Variants in GRIN2A observed in about 807,000 individuals in gnomAD.
The protein encoded by GRIN2A is glutamate ionotropic receptor NMDA type subunit 2A, also known as glutamate receptor ionotropic, NMDA 2A.
In GRIN2A, 22 loss-of-function variants were observed where a neutral mutation model predicts 113.4. The ratio of observed to expected loss-of-function variants is 0.19; its 90% CI spans 0.14 to 0.28. GRIN2A has a LOEUF of 0.28. GRIN2A is among the 10% of genes least tolerant of loss of function. The pLI, the probability that GRIN2A is intolerant of heterozygous loss-of-function variation, is 1.00. For missense variants in GRIN2A, 1,502 were observed against 1,887.0 expected, an observed-to-expected ratio of 0.80 and a Z score of 3.78; for synonymous variants, 827 against 738.4, an observed-to-expected ratio of 1.12 and a Z score of -1.94.
intron 3 of GRIN2A, among the ~76,000 whole-genome samples, chr16:9,919,213 G>A (rs1254718876): frequency 6.6e-6 from 1 of 152,106 alleles, no homozygotes; most frequent in Non-Finnish European, 1.5e-5. Context: ...ATCAGCGATA[G>A]GGTAGATTTC....
chr16:9,869,797 G>A (rs556796895), intron 4 of GRIN2A, among the ~76,000 whole-genome samples: 1 of 152,168 alleles, frequency 6.6e-6, no homozygotes, highest in African/African-American at 2.4e-5. Flanking sequence ...ATTATATACA[G>A]GGATCTTAGA....
chr16:9,972,335 A>C (rs757364000), intron 2 of GRIN2A, among the ~76,000 whole-genome samples: 6 of 152,160 alleles, frequency 3.9e-5, no homozygotes, highest in Non-Finnish European at 5.9e-5. Context: ...TACAATTCAA[A>C]ATTACTTTAC....
chr16:10,071,629 G>C (rs1235227301), intron 2 of GRIN2A, among the ~76,000 whole-genome samples: 1 of 152,198 alleles, frequency 6.6e-6, no homozygotes, highest in Non-Finnish European at 1.5e-5. Context: ...GAGGACAAAT[G>C]ATGAGTCTCA....
chr16:9,971,951 C>T (rs2045679185), intron 2 of GRIN2A, among the ~76,000 whole-genome samples: 2 of 152,142 alleles, frequency 1.3e-5, no homozygotes, highest in South Asian at 4.1e-4. Context: ...GCTGCTGTCC[C>T]AAAATGGCAC....
At chr16:10,047,837 G>A (rs1411900200) in intron 2 of GRIN2A, among the ~76,000 whole-genome samples, 2 of 152,156 alleles carry the variant, frequency 1.3e-5, no homozygotes, top group East Asian at 3.8e-4. Context: ...TAATTCTCAG[G>A]TGTGCATTTT....
At chr16:10,174,428 C>T (rs548615511) in intron 2 of GRIN2A, among the ~76,000 whole-genome samples, 1 of 152,272 alleles carries the variant, frequency 6.6e-6, no homozygotes, top group Non-Finnish European at 1.5e-5. Flanking sequence ...AAAATAAGTT[C>T]ACAAACAAAA....
intron 2 of GRIN2A, among the ~76,000 whole-genome samples, chr16:10,080,300 C>G (rs576304343): frequency 2.2e-4 from 33 of 152,160 alleles, no homozygotes; most frequent in Non-Finnish European, 4.3e-4. Context: ...ATTACCTTAT[C>G]TTTAAGCCAC....
intron 2 of GRIN2A, among the ~76,000 whole-genome samples, chr16:10,030,144 T>G (rs2141922044): frequency 6.6e-6 from 1 of 151,838 alleles, no homozygotes; most frequent in Middle Eastern, 3.4e-3. Flanking sequence ...AGGGATCATT[T>G]TCAGAGGCGT....
In GRIN2A at chr16:9,762,898, GTAGT is replaced by G. The variant is rs1366785752; in HGVS notation, c.*247_*250del. The G allele has an allele frequency of 5.3e-6, 3 of 570,422 alleles. No individual in the cohort carries two copies. In the East Asian group the frequency reaches 8.7e-5, roughly 17 times the overall value. The allele number at this position is 570,422 out of a possible 1,614,324, so 35.3% of individuals were successfully genotyped here. A position where few individuals can be genotyped will look rare whatever the true frequency, so the allele number is the denominator to read the frequency against. On this transcript the variant is annotated 3_prime_UTR_variant, in exon 13 of 13. Coordinates refer to ENST00000330684, the MANE Select transcript of GRIN2A (RefSeq NM_001134407.3). ...GCATGTCCCGGAGACTTGCCCTTAT[GTAGT>G]TAGTTATTTTTGGTTAAGGACTCAC...
chr16:10,143,289 A>AGT (rs2049367064), intron 2 of GRIN2A, among the ~76,000 whole-genome samples: 1 of 152,182 alleles, frequency 6.6e-6, no homozygotes, highest in African/African-American at 2.4e-5. Context: ...GGTGTATTCC[A>AGT]GTGTGTGGTA....
intron 4 of GRIN2A, among the ~76,000 whole-genome samples, chr16:9,886,241 T>G (rs1270926971): frequency 1.3e-5 from 2 of 152,178 alleles, no homozygotes; most frequent in African/African-American, 4.8e-5. Flanking sequence ...GCTCCAACTC[T>G]CTACCTCCTA....
At chr16:9,909,414 T>C (rs1283778282) in intron 3 of GRIN2A, among the ~76,000 whole-genome samples, 1 of 152,240 alleles carries the variant, frequency 6.6e-6, no homozygotes, top group Non-Finnish European at 1.5e-5. Context: ...TAGATCTTTC[T>C]AGCACAATGG....
chr16:9,769,937 C>T (rs1440184221), intron 11 of GRIN2A, among the ~76,000 whole-genome samples: 1 of 152,160 alleles, frequency 6.6e-6, no homozygotes, highest in Non-Finnish European at 1.5e-5. Flanking sequence ...TGAAAAGAGA[C>T]ATCCAGCTGG....
intron 2 of GRIN2A, among the ~76,000 whole-genome samples, chr16:10,011,864 C>T (rs1438073366): frequency 6.6e-6 from 1 of 152,140 alleles, no homozygotes; most frequent in Non-Finnish European, 1.5e-5. Context: ...CATGTAAGTA[C>T]TTAATCACAT....
At chr16:10,120,725 T>C (rs898417588) in intron 2 of GRIN2A, among the ~76,000 whole-genome samples, 4 of 152,078 alleles carry the variant, frequency 2.6e-5, no homozygotes. Flanking sequence ...TTTCTTATAT[T>C]AGGTCTTCCG....
intron 2 of GRIN2A, among the ~76,000 whole-genome samples, chr16:10,034,370 C>A (rs2046985043): frequency 6.6e-6 from 1 of 151,264 alleles, no homozygotes. Flanking sequence ...ACTAAAAATC[C>A]AAAAAATTAG....
At chr16:9,778,410 T>C (rs1901736263) in intron 11 of GRIN2A, among the ~76,000 whole-genome samples, 1 of 152,246 alleles carries the variant, frequency 6.6e-6, no homozygotes, top group African/African-American at 2.4e-5. Context: ...TCATAGTGAC[T>C]TTTTGCCATT....
chr16:9,799,508 T>A (rs1415128864), intron 10 of GRIN2A, among the ~76,000 whole-genome samples: 3 of 152,164 alleles, frequency 2.0e-5, no homozygotes, highest in Admixed American at 6.5e-5. Flanking sequence ...CAGGTTGCAT[T>A]CCTTTGTTAT....
chr16:9,805,369 C>G (rs9930307), intron 10 of GRIN2A: 48,666 of 152,136 alleles, frequency 0.32, 7,992 homozygotes, highest in African/African-American at 0.39. Context: ...TTTAACAAGA[C>G]ACTGCTTGTC....
Sources: allele counts gnomAD v4.1 joint callset (sites outside exome capture counted in the v4.1 genomes callset), GRCh38; gene constraint gnomAD v4.1.1; transcripts MANE v1.5; gene names NCBI Gene and HGNC (gene_info 2026-07-23, HGNC 2026-07-21).